Variants in STON2 observed in about 807,000 individuals in gnomAD.
The protein encoded by STON2 is stonin 2.
A neutral mutation model predicts 65.7 loss-of-function variants in STON2; 29 were observed. That is an observed-to-expected ratio of 0.44 (90% CI 0.33 to 0.60). The LOEUF (loss-of-function observed/expected upper bound fraction) is 0.60. STON2 is among the 20% of genes least tolerant of loss of function. The pLI, the probability that STON2 is intolerant of heterozygous loss-of-function variation, is 0.03. For missense variants in STON2, 1,054 were observed against 1,118.1 expected (o/e 0.94, Z 0.82); for synonymous variants, 404 against 414.2 (o/e 0.98, Z 0.30).
chr14:81,330,039 G>T (rs1208925162), intron 4 of STON2, among the ~76,000 whole-genome samples: 2 of 152,190 alleles, frequency 1.3e-5, no homozygotes, highest in African/African-American at 4.8e-5. Flanking sequence ...CACGTTGGGG[G>T]AGAAGTACTT....
intron 5 of STON2, among the ~76,000 whole-genome samples, chr14:81,316,474 AACTCAGTAAGTAATGCTAT>A (rs1169126945): frequency 5.3e-5 from 8 of 152,242 alleles, no homozygotes; most frequent in Non-Finnish European, 8.8e-5. Flanking sequence ...TAGGAAGATC[AACTCAGTAAGTAATGCTAT>A]ACTCAGTAAG....
Position 81,263,268 on chromosome 14 carries a change from G to T in STON2, c.*5146C>A. On this transcript the variant is annotated 3_prime_UTR_variant, in exon 8 of 8. Coordinates refer to ENST00000614646, the MANE Select transcript of STON2 (RefSeq NM_001394390.1). The stretch of plus-strand genomic sequence containing the variant: ...CATTATGCTATTTTGGCCAGGCGCG[G>T]CGGCTCATGCCTGTTATCCTAGCAC... 1.6e-6 allele frequency: 1 copy of T among 610,672 alleles called. No homozygotes were observed. Among genetic ancestry groups the T allele is most frequent in the Non-Finnish European group, 2.1e-6 (1 of 487,606 alleles). 37.8% of individuals were successfully genotyped at this position (610,672 alleles called of 1,614,324 possible). A position where few individuals can be genotyped will look rare whatever the true frequency, so the allele number is the denominator to read the frequency against.
At chr14:81,348,827 A>G (rs1595380413) in intron 4 of STON2, among the ~76,000 whole-genome samples, 1 of 152,174 alleles carries the variant, frequency 6.6e-6, no homozygotes, top group Non-Finnish European at 1.5e-5. Context: ...TGAAGGTATC[A>G]TACTACCTTA....
At chr14:81,309,585 A>T (rs1227324838) in intron 5 of STON2, among the ~76,000 whole-genome samples, 1 of 152,212 alleles carries the variant, frequency 6.6e-6, no homozygotes, top group Non-Finnish European at 1.5e-5. Context: ...GCAGAGCTAG[A>T]GCATGAGGTT....
chr14:81,348,092 T>C (rs1897888555), intron 4 of STON2, among the ~76,000 whole-genome samples: 1 of 151,844 alleles, frequency 6.6e-6, no homozygotes, highest in Non-Finnish European at 1.5e-5. Flanking sequence ...TTAAAAACTC[T>C]CAACAAATAA....
At chr14:81,333,731 T>C (rs1312198160) in intron 4 of STON2, among the ~76,000 whole-genome samples, 1 of 152,204 alleles carries the variant, frequency 6.6e-6, no homozygotes, top group Non-Finnish European at 1.5e-5. Context: ...GTCCCCCTGG[T>C]GATGCTGAAT....
At chr14:81,269,654 A>G (rs1894493639) in intron 7 of STON2, 1 of 985,180 alleles carries the variant, frequency 1.0e-6, no homozygotes, top group Admixed American at 6.2e-5. Context: ...TTTAGCCCAC[A>G]CAGCTAAGGA....
At chr14:81,337,822 A>G (rs1897434113) in intron 4 of STON2, among the ~76,000 whole-genome samples, 1 of 152,158 alleles carries the variant, frequency 6.6e-6, no homozygotes, top group Non-Finnish European at 1.5e-5. Context: ...AATATAAATT[A>G]GGTACAGTAG....
chr14:81,316,836 T>G (rs958331547), intron 5 of STON2, among the ~76,000 whole-genome samples: 2 of 152,084 alleles, frequency 1.3e-5, no homozygotes, highest in African/African-American at 2.4e-5. Flanking sequence ...CTGGCTAACA[T>G]GGTGAAACCC....
chr14:81,273,771 C>T (rs944096080), intron 6 of STON2, among the ~76,000 whole-genome samples: 9 of 152,166 alleles, frequency 5.9e-5, no homozygotes, highest in African/African-American at 2.2e-4. Flanking sequence ...GACCTGCTGG[C>T]CTCTGCTGCC....
chr14:81,339,538 T>TAGCC (rs1213827350), intron 4 of STON2, among the ~76,000 whole-genome samples: 1 of 152,164 alleles, frequency 6.6e-6, no homozygotes, highest in African/African-American at 2.4e-5. Flanking sequence ...CAATATCAGG[T>TAGCC]AGCCAGCACT....
At chr14:81,381,163 G>A (rs1470074927) in intron 3 of STON2, among the ~76,000 whole-genome samples, 1 of 152,068 alleles carries the variant, frequency 6.6e-6, no homozygotes, top group Middle Eastern at 3.2e-3. Context: ...AACTAGACTT[G>A]TACTTCAAAC....
At chr14:81,330,355 C>T (rs1461972836) in intron 4 of STON2, among the ~76,000 whole-genome samples, 1 of 152,086 alleles carries the variant, frequency 6.6e-6, no homozygotes, top group Non-Finnish European at 1.5e-5. Flanking sequence ...GTGCCAGGCA[C>T]TGAGCTGGAC....
chr14:81,329,454 C>CAA (rs56370265), intron 4 of STON2, among the ~76,000 whole-genome samples: 6 of 118,476 alleles, frequency 5.1e-5, no homozygotes, highest in Admixed American at 8.8e-5. Flanking sequence ...GACTCTGTCT[C>CAA]AAAAAAAAAA....
intron 3 of STON2, chr14:81,395,161 G>A (rs576120826): frequency 6.6e-6 from 1 of 152,340 alleles, no homozygotes; most frequent in South Asian, 2.1e-4. Context: ...GAGTTCTGAA[G>A]TGTGAGAATA....
chr14:81,378,411 T>G (rs1899354904), intron 3 of STON2, among the ~76,000 whole-genome samples: 1 of 151,894 alleles, frequency 6.6e-6, no homozygotes, highest in Non-Finnish European at 1.5e-5. Flanking sequence ...AGATGGGGTT[T>G]CACTATGTTT....
At chr14:81,367,525 G>A (rs574367495) in intron 4 of STON2, among the ~76,000 whole-genome samples, 3 of 152,272 alleles carry the variant, frequency 2.0e-5, no homozygotes, top group South Asian at 2.1e-4. Context: ...ATGGTTAAAT[G>A]TCACAGGTTG....
chr14:81,411,432 C>T (rs1425696514), intron 2 of STON2, among the ~76,000 whole-genome samples: 3 of 152,228 alleles, frequency 2.0e-5, no homozygotes, highest in Admixed American at 6.5e-5. Flanking sequence ...GAGGGCTGGG[C>T]GCACTGGCTC....
rs977279073 is a variant in STON2 at position 81,266,002 on chromosome 14, G to C, written c.*2412C>G. The C allele has an allele frequency of 1.0e-6, 1 of 985,278 alleles. No individual in the cohort carries two copies. The highest frequency in any genetic ancestry group is 6.2e-5 in the Admixed American group (1 of 16,244). 61.0% of individuals were successfully genotyped at this position (985,278 alleles called of 1,614,324 possible). A position where few individuals can be genotyped will look rare whatever the true frequency, so the allele number is the denominator to read the frequency against. ...CTCAAAAGCCTTCAGTACAACAGGG[G>C]AAGAGATATGCGTTGAAATTCCTTG... On this transcript the variant is annotated 3_prime_UTR_variant, in exon 8 of 8. Coordinates refer to ENST00000614646, the MANE Select transcript of STON2 (RefSeq NM_001394390.1).
Sources: allele counts gnomAD v4.1 joint callset (sites outside exome capture counted in the v4.1 genomes callset), GRCh38; gene constraint gnomAD v4.1.1; transcripts MANE v1.5; gene names NCBI Gene and HGNC (gene_info 2026-07-23, HGNC 2026-07-21).